Variants in TNFRSF8 observed in about 807,000 individuals in gnomAD.
TNFRSF8 encodes TNF receptor superfamily member 8.
Under a neutral mutation model 70.8 loss-of-function variants are expected in TNFRSF8, and 26 were observed. The ratio of observed to expected loss-of-function variants is 0.37; its 90% CI spans 0.27 to 0.51. TNFRSF8 has a LOEUF of 0.51. Ranked by LOEUF, TNFRSF8 falls within the 20% of genes least tolerant of loss-of-function variation. The pLI is 0.94. For synonymous variants in TNFRSF8, 356 were observed against 339.2 expected (o/e 1.05, Z -0.54); for missense variants, 720 against 807.9 (o/e 0.89, Z 1.32).
chr1:12,089,374 C>T (rs1641207723), intron 2 of TNFRSF8, among the ~76,000 whole-genome samples: 1 of 152,198 alleles, frequency 6.6e-6, no homozygotes, highest in Non-Finnish European at 1.5e-5. Context: ...TGACAGCCAG[C>T]CATTGCCTCA....
rs1557591996 is a variant in TNFRSF8, at chr1:12,109,091, G to A, written c.422-475G>A. Reference sequence around the variant, plus strand: ...TCTCACCTCTATTTCCCTCTCTGTTGGTTCATCGGCAAGATACTTACAAGC... The same window carrying A: ...TCTCACCTCTATTTCCCTCTCTGTTAGTTCATCGGCAAGATACTTACAAGC... On this transcript the variant is annotated intron_variant, in intron 4 of 14. Transcript: ENST00000263932. The surrounding 1 kb of genome is among the most constrained non-coding windows in gnomAD (Gnocchi z 4.4). 6.6e-6 allele frequency among the ~76,000 whole-genome samples: 1 copy of A among 152,154 alleles called. No individual in the cohort carries two copies. The highest frequency in any genetic ancestry group is 1.5e-5 in the Non-Finnish European group (1 of 68,030).
chr1:12,122,444 C>T (rs1018534771), intron 8 of TNFRSF8, among the ~76,000 whole-genome samples: 2 of 151,752 alleles, frequency 1.3e-5, no homozygotes, highest in South Asian at 2.1e-4. Context: ...GTCAGGAGTT[C>T]GAGACCAGCC....
Position 12,113,637 on chromosome 1 carries a change from CAGAAAG to C in TNFRSF8, c.793+1633_793+1638del, listed in dbSNP as rs1258948412. ...AGACAGAAAGAGGGAGAGAGAGAGA[CAGAAAG>C]AGAAAGAGACGGAGTGAGCGAGAGA... On this transcript the variant is annotated intron_variant, in intron 7 of 14. Coordinates refer to ENST00000263932, the MANE Select transcript of TNFRSF8 (RefSeq NM_001243.5). The surrounding 1 kb of genome is among the most constrained non-coding windows in gnomAD (Gnocchi z 4.9). 8.8e-5 allele frequency among the ~76,000 whole-genome samples: 13 copies of C among 148,020 alleles called. No individual in the cohort carries two copies. The highest frequency in any genetic ancestry group is 3.0e-4 in the African/African-American group (12 of 39,892).
rs1641787246 is a variant in TNFRSF8 at position 12,119,194 on chromosome 1, C to T, written c.946+3465C>T. ...TTTCTTCTTGCTCCTGCTGCCTGGC[C>T]TGGTGACCACCTTGATGTGGCTCTC... On this transcript the variant is annotated intron_variant, in intron 8 of 14. Coordinates refer to ENST00000263932, the MANE Select transcript of TNFRSF8 (RefSeq NM_001243.5). This position sits in a 1 kb window ranked among gnomAD's most constrained non-coding sequence, Gnocchi z 4.4. Among the ~76,000 whole-genome samples the T allele has an allele frequency of 6.6e-6, 1 of 152,200 alleles. No individual in the cohort carries two copies. The highest frequency in any genetic ancestry group is 6.5e-5 in the Admixed American group (1 of 15,280).
chr1:12,111,616 G>A (rs1641632617), intron 6 of TNFRSF8, among the ~76,000 whole-genome samples: 1 of 152,182 alleles, frequency 6.6e-6, no homozygotes, highest in African/African-American at 2.4e-5. Context: ...GGGAGTGACA[G>A]AGCCATGAGA....
intron 8 of TNFRSF8, among the ~76,000 whole-genome samples, chr1:12,116,182 T>A (rs1219182973): frequency 6.6e-6 from 1 of 152,066 alleles, no homozygotes; most frequent in African/African-American, 2.4e-5. Flanking sequence ...GGTTTCTCCA[T>A]GTTGGTCAGG....
At chr1:12,114,636 A>G (rs146301420) in intron 7 of TNFRSF8, among the ~76,000 whole-genome samples, 1,809 of 149,522 alleles carry the variant, frequency 0.012, 28 homozygotes, top group South Asian at 0.074. Context: ...GCATTATTAC[A>G]CTTATTAAAA....
At chr1:12,089,671 C>T (rs898334406) in intron 2 of TNFRSF8, among the ~76,000 whole-genome samples, 1 of 152,114 alleles carries the variant, frequency 6.6e-6, no homozygotes, top group Non-Finnish European at 1.5e-5. Context: ...CTGGGAGCAA[C>T]CCACTAGTAG....
At chr1:12,103,503 T>C in intron 3 of TNFRSF8, among the ~76,000 whole-genome samples, 1 of 152,160 alleles carries the variant, frequency 6.6e-6, no homozygotes, top group East Asian at 1.9e-4. Context: ...AGGGTATCAC[T>C]CTTTTGCCCA....
intron 8 of TNFRSF8, among the ~76,000 whole-genome samples, chr1:12,117,361 G>A (rs1333444868): frequency 1.3e-5 from 2 of 152,196 alleles, no homozygotes; most frequent in Non-Finnish European, 2.9e-5. Context: ...GGGATTACAG[G>A]TGTGAGCCAC....
At chr1:12,135,159 C>CA (rs1381519287) in intron 12 of TNFRSF8, among the ~76,000 whole-genome samples, 6 of 151,176 alleles carry the variant, frequency 4.0e-5, no homozygotes, top group African/African-American at 7.3e-5. Flanking sequence ...ACTGAAAATA[C>CA]AAAAAAATTA....
chr1:12,065,939 G>A (rs945930566), intron 1 of TNFRSF8, among the ~76,000 whole-genome samples: 3 of 152,132 alleles, frequency 2.0e-5, no homozygotes, highest in South Asian at 2.1e-4. Flanking sequence ...GTTGCAGGGC[G>A]AAAATGCATT....
At chr1:12,082,959 G>A (rs1641091554) in intron 1 of TNFRSF8, among the ~76,000 whole-genome samples, 1 of 151,618 alleles carries the variant, frequency 6.6e-6, no homozygotes, top group East Asian at 1.9e-4. Context: ...ACATCAATAA[G>A]AAAAGCCAGA....
chr1:12,127,048 C>A (rs1641954864), intron 12 of TNFRSF8, among the ~76,000 whole-genome samples: 1 of 152,188 alleles, frequency 6.6e-6, no homozygotes, highest in African/African-American at 2.4e-5. Context: ...GGAGCTGGAA[C>A]CCTCCTCACC....
chr1:12,137,341 C>T (rs1642164951), intron 13 of TNFRSF8, among the ~76,000 whole-genome samples: 3 of 151,898 alleles, frequency 2.0e-5, no homozygotes, highest in Admixed American at 6.6e-5. Flanking sequence ...ATGGCAAAGA[C>T]GTGATTACTT....
At position 12,071,294 on chromosome 1, in the gene TNFRSF8, C is replaced by A. The variant is rs935075815; in HGVS notation, c.63+7633C>A. Among the ~76,000 whole-genome samples the A allele has an allele frequency of 5.3e-5, 8 of 152,036 alleles. No individual in the cohort carries two copies. The South Asian group carries it at 1.7e-3, about 32-fold the overall frequency. Reference sequence around the variant, plus strand: ...TCTCTGCTAAAAATACAAAAATTAGCCAGGTGTGGCGGTGTGTGCCTGTAG... The same window carrying A: ...TCTCTGCTAAAAATACAAAAATTAGACAGGTGTGGCGGTGTGTGCCTGTAG... On this transcript the variant is annotated intron_variant, in intron 1 of 14. Coordinates refer to ENST00000263932, the MANE Select transcript of TNFRSF8 (RefSeq NM_001243.5).
chr1:12,126,172 T>G lies in TNFRSF8; in HGVS notation c.1256-11T>G. ...CCGCCACCCCCAGCCTTCCTCCTGG[T>G]GTCGTTTCAGAGCTCCACCTGTGCT... On this transcript the variant is annotated splice_polypyrimidine_tract_variant and intron_variant, in intron 11 of 14. Transcript: ENST00000263932. 6.2e-7 allele frequency: 1 copy of G among 1,614,086 alleles called. No homozygotes were observed. Among genetic ancestry groups the G allele is most frequent in the Non-Finnish European group, 8.5e-7 (1 of 1,180,008 alleles).
At chr1:12,067,336 G>A (rs945593710) in intron 1 of TNFRSF8, among the ~76,000 whole-genome samples, 2 of 152,186 alleles carry the variant, frequency 1.3e-5, no homozygotes, top group African/African-American at 2.4e-5. Context: ...CCAGCCAGAT[G>A]TAAGCATCTT....
intron 2 of TNFRSF8, among the ~76,000 whole-genome samples, chr1:12,091,347 C>G (rs1422517863): frequency 1.3e-5 from 2 of 152,202 alleles, no homozygotes; most frequent in Non-Finnish European, 2.9e-5. Flanking sequence ...CTGTGGGCAA[C>G]TGGGGCTTAA....
Sources: allele counts gnomAD v4.1 joint callset (sites outside exome capture counted in the v4.1 genomes callset), GRCh38; gene constraint gnomAD v4.1.1; non-coding constraint Gnocchi (gnomAD v3.1); transcripts MANE v1.5; gene names NCBI Gene and HGNC (gene_info 2026-07-23, HGNC 2026-07-21).